The following FAH variants were observed in gnomAD, a reference collection of about 807,000 sequenced individuals.
FAH encodes fumarylacetoacetase.
A neutral mutation model predicts 55.8 loss-of-function variants in FAH; 47 were observed. That is an observed-to-expected ratio of 0.84 (90% CI 0.67 to 1.07). The LOEUF is 1.07. Ranked by LOEUF, FAH falls within the 50% of genes least tolerant of loss-of-function variation. FAH has a pLI of 0.00. For missense variants in FAH, 495 were observed against 545.9 expected (o/e 0.91, Z 0.93); for synonymous variants, 199 against 207.7 (o/e 0.96, Z 0.36).
rs2041198068 is a variant in FAH at position 80,167,035 on chromosome 15, T to A, written c.456-1017T>A. 2 of 147,608 alleles carry A rather than the reference T, an allele frequency of 1.4e-5. 1 individual carries two copies. The highest frequency in any genetic ancestry group is 4.4e-4 in the South Asian group (2 of 4,516). The allele number at this position is 147,608 out of a possible 1,614,324, so 9.1% of individuals were successfully genotyped here. A position where few individuals can be genotyped will look rare whatever the true frequency, so the allele number is the denominator to read the frequency against. ...AAAGGCTTTCTCCACCCCAAGAATT[T>A]GGAAGTTTTTTGTGTTTTTGTGTTT... is the stretch of plus-strand genomic sequence containing the variant. On this transcript the variant is annotated intron_variant, in intron 5 of 13. Transcript: ENST00000561421.
chr15:80,152,990 G>T (rs2041063940), upstream of FAH: 4 of 1,452,938 alleles, frequency 2.8e-6, no homozygotes, highest in Non-Finnish European at 3.8e-6. Context: ...GACCACAGCG[G>T]CCGAGTTCAG....
intron 8 of FAH, among the ~76,000 whole-genome samples, chr15:80,172,555 A>C (rs2041250337): frequency 6.6e-6 from 1 of 152,162 alleles, no homozygotes; most frequent in Admixed American, 6.5e-5. Flanking sequence ...TGATCCCTAC[A>C]CGGTATGTGC....
At position 80,173,048 on chromosome 15, in the gene FAH, C is replaced by G. The variant is rs145851627; in HGVS notation, c.741C>G (p.Leu247=). ...RDIQKWEYVP[L]GPFLGKSFGT... ...TTCAGAAGTGGGAGTATGTCCCTCTCGGGCCATTCCTTGGGAAGAGTTTTG... is the reference window on the plus strand; with the variant it reads ...TTCAGAAGTGGGAGTATGTCCCTCTGGGGCCATTCCTTGGGAAGAGTTTTG... Residue 247 remains leucine (L), a synonymous_variant, in exon 9 of 14, where the codon CTC becomes CTG. Coordinates refer to ENST00000561421, the MANE Select transcript of FAH (RefSeq NM_000137.4). The G allele has an allele frequency of 6.2e-7, 1 of 1,614,230 alleles. No homozygotes were observed. The highest frequency in any genetic ancestry group is 1.7e-5 in the Admixed American group (1 of 60,034).
intron 13 of FAH, among the ~76,000 whole-genome samples, chr15:80,184,795 T>C (rs567062053): frequency 5.7e-4 from 87 of 152,314 alleles, no homozygotes; most frequent in African/African-American, 1.9e-3. Context: ...CCTGAGTGTC[T>C]GAGCCTTTGC....
intron 4 of FAH, chr15:80,160,663 C>T (rs1254676757): frequency 2.9e-6 from 2 of 690,890 alleles, no homozygotes; most frequent in Non-Finnish European, 2.6e-6. Flanking sequence ...ATTATCTTGC[C>T]TCAGGTAGTG....
chr15:80,179,164 C>T (rs1030865), intron 11 of FAH, among the ~76,000 whole-genome samples: 44,092 of 152,142 alleles, frequency 0.29, 6,653 homozygotes, highest in East Asian at 0.47. Flanking sequence ...GCCTGCTCCA[C>T]ATCCTCGTCA....
At chr15:80,173,375 A>C (rs2041257608) in intron 9 of FAH, 2 of 621,412 alleles carry the variant, frequency 3.2e-6, no homozygotes, top group Non-Finnish European at 5.7e-6. Context: ...TGGAGAAAAC[A>C]CAGAATTTTG....
chr15:80,167,811 C>T (rs913939246), intron 5 of FAH, among the ~76,000 whole-genome samples: 24 of 152,180 alleles, frequency 1.6e-4, no homozygotes, highest in African/African-American at 4.3e-4. Context: ...GGATTACAGG[C>T]GCGAGCCACT....
intron 7 of FAH, 192 bp downstream of exon 7, chr15:80,168,508 T>C (rs2142098382): frequency 1.6e-6 from 1 of 630,346 alleles, no homozygotes; most frequent in African/African-American, 1.8e-5. Flanking sequence ...TATTTGAGAA[T>C]TCACAACTAC....
At position 80,173,149 on chromosome 15, in the gene FAH, G is replaced by C. The variant is rs2041255798; in HGVS notation, c.837+5G>C. The stretch of plus-strand genomic sequence containing the variant: ...GCTGTGCCCAACCCGAAGCAGGTAA[G>C]CACATTCTCTGCAGGAAGCTCCCAA... On this transcript the variant is annotated splice_donor_5th_base_variant and intron_variant, in intron 9 of 13. Transcript: ENST00000561421. 1 of 1,614,214 alleles carries C rather than the reference G, an allele frequency of 6.2e-7. No individual in the cohort carries two copies. The highest frequency in any genetic ancestry group is 1.7e-5 in the Admixed American group (1 of 60,022).
intron 1 of FAH, among the ~76,000 whole-genome samples, chr15:80,154,490 C>T (rs2041081423): frequency 6.6e-6 from 1 of 152,260 alleles, no homozygotes; most frequent in African/African-American, 2.4e-5. Context: ...CCCCATTCCG[C>T]TGTCCTCTGA....
In FAH at chr15:80,168,052, G is replaced by A. The variant is rs370686447; in HGVS notation, c.456G>A (p.Trp152Ter). Residue 152 changes from tryptophan to a stop codon, truncating the protein, a stop_gained and splice_region_variant, in exon 6 of 14, where the codon TGG (tryptophan) becomes TGA (stop). Transcript: ENST00000561421. LOFTEE classifies it high-confidence loss of function. The stretch of plus-strand genomic sequence containing the variant: ...GCATTCTCTTGCCTTCCTTTCTCAG[G>A]CTGCACTTACCAGTGGGCTACCATG... ...RDKENALMPN[W>*]LHLPVGYHGR... The A allele has an allele frequency of 6.8e-6, 11 of 1,613,550 alleles. No individual in the cohort carries two copies. Among genetic ancestry groups the A allele is most frequent in the Non-Finnish European group, 9.3e-6 (11 of 1,179,574 alleles).
chr15:80,160,060 G>A lies in FAH; in HGVS notation c.314+183G>A, dbSNP rs956827442. On this transcript the variant is annotated intron_variant, in intron 3 of 13. Transcript: ENST00000561421. ...GGAGGGCTTTGGGAGGACTGGGATT[G>A]CCTTGGCGCCTGGAATGGAGCTGCC... is the stretch of plus-strand genomic sequence containing the variant. 9 of 850,142 alleles carry A rather than the reference G, an allele frequency of 1.1e-5. No individual in the cohort carries two copies. In the African/African-American group the frequency reaches 1.2e-4, roughly 11 times the overall value. The allele number at this position is 850,142 out of a possible 1,614,324, so 52.7% of individuals were successfully genotyped here. A position where few individuals can be genotyped will look rare whatever the true frequency, so the allele number is the denominator to read the frequency against.
intron 9 of FAH, 121 bp from the exon 10 acceptor site, chr15:80,174,895 C>T: frequency 1.3e-6 from 1 of 786,326 alleles, no homozygotes; most frequent in Admixed American, 1.8e-5. Context: ...AATGCTCCTG[C>T]TGTCTCAGAC....
intron 8 of FAH, 37 bp downstream of exon 8, chr15:80,172,285 G>A: frequency 1.3e-6 from 2 of 1,501,830 alleles, no homozygotes; most frequent in Non-Finnish European, 1.9e-6. Flanking sequence ...GAGATGACGG[G>A]GAGGAGGCTG....
At chr15:80,168,457 C>A in intron 7 of FAH, 141 bp downstream of exon 7, 1 of 771,092 alleles carries the variant, frequency 1.3e-6, no homozygotes, top group Non-Finnish European at 2.3e-6. Context: ...CCCCACCTGG[C>A]CATCAGAAGG....
intron 10 of FAH, among the ~76,000 whole-genome samples, chr15:80,175,745 A>G (rs544505574): frequency 6.6e-6 from 1 of 152,358 alleles, no homozygotes; most frequent in Non-Finnish European, 1.5e-5. Flanking sequence ...ACTTTGGGCA[A>G]GTTGCCAAAC....
At chr15:80,158,310 G>T in intron 2 of FAH, 140 bp downstream of exon 2, 1 of 765,238 alleles carries the variant, frequency 1.3e-6, no homozygotes, top group East Asian at 2.6e-5. Context: ...ATAAGGCTGG[G>T]GTTGTTTTGA....
chr15:80,173,249 G>T, intron 9 of FAH, 105 bp downstream of exon 9: 2 of 1,483,080 alleles, frequency 1.3e-6, no homozygotes, highest in Non-Finnish European at 9.4e-7. Context: ...CAGGAGGGAA[G>T]CTCTGTGCCC....
Sources: gnomAD v4.1 joint callset for allele counts (sites outside exome capture counted in the v4.1 genomes callset) on GRCh38, gnomAD v4.1.1 for gene constraint, MANE v1.5 for transcripts, NCBI Gene and HGNC (gene_info 2026-07-23, HGNC 2026-07-21) for gene names.